BRMS1L: variants seen among roughly 807,000 people sequenced by gnomAD.
The protein encoded by BRMS1L is breast cancer metastasis-suppressor 1-like protein.
In BRMS1L, 23 loss-of-function variants were observed where a neutral mutation model predicts 50.3. The observed-to-expected ratio is 0.46, with a 90% CI of 0.33 to 0.65. The LOEUF is 0.65. BRMS1L is among the 30% of genes least tolerant of loss of function. BRMS1L has a pLI of 0.02. For missense variants in BRMS1L, 286 were observed against 386.1 expected, an observed-to-expected ratio of 0.74 and a Z score of 2.17; for synonymous variants, 114 against 126.9, an observed-to-expected ratio of 0.90 and a Z score of 0.69.
Position 35,841,336 on chromosome 14 carries a change from G to T in BRMS1L, c.441+6413G>T, listed in dbSNP as rs1404994308. 6.7e-5 allele frequency among the ~76,000 whole-genome samples: 10 copies of T among 150,270 alleles called. No individual in the cohort carries two copies. In the South Asian group the frequency reaches 1.5e-3, roughly 22 times the overall value. ...ATTTTATTTTATTTTTTTTTGAGAT[G>T]GAGTCTTGCTCTGTCCCCCAGGCGC... is the stretch of plus-strand genomic sequence containing the variant. On this transcript the variant is annotated intron_variant, in intron 4 of 9. Coordinates refer to ENST00000216807, the MANE Select transcript of BRMS1L (RefSeq NM_032352.4).
In BRMS1L at chr14:35,831,387, T is replaced by C. The variant is rs778539218; in HGVS notation, c.143-23T>C. The C allele has an allele frequency of 3.2e-6, 5 of 1,551,454 alleles. No homozygotes were observed. The South Asian group carries it at 3.4e-5, about 10-fold the overall frequency. On this transcript the variant is annotated intron_variant, in intron 1 of 9. Coordinates refer to ENST00000216807, the MANE Select transcript of BRMS1L (RefSeq NM_032352.4). ...AAATTTGAAAATTAAGTTTATCTTT[T>C]ATATTTGCCTTTTTATTAACAGAAA...
rs905642262 is a variant in BRMS1L at position 35,841,334 on chromosome 14, A to G, written c.441+6411A>G. On this transcript the variant is annotated intron_variant, in intron 4 of 9. Transcript: ENST00000216807. ...TTATTTTATTTTATTTTTTTTTGAG[A>G]TGGAGTCTTGCTCTGTCCCCCAGGC... is the stretch of plus-strand genomic sequence containing the variant. Among the ~76,000 whole-genome samples, 22 of 150,124 alleles carry G rather than the reference A, an allele frequency of 1.5e-4. No homozygotes were observed. In the East Asian group the frequency reaches 3.9e-3, roughly 27 times the overall value.
rs2077980687 is a variant in BRMS1L, at chr14:35,835,561, G to A, written c.441+638G>A. 2.0e-5 allele frequency among the ~76,000 whole-genome samples: 3 copies of A among 152,122 alleles called. No homozygotes were observed. The South Asian group carries it at 6.2e-4, about 32-fold the overall frequency. On this transcript the variant is annotated intron_variant, in intron 4 of 9. Coordinates refer to ENST00000216807, the MANE Select transcript of BRMS1L (RefSeq NM_032352.4). ...ATTTATAGCATTTAAAAAACATAGT[G>A]CCCAGGCATGGTGGCTCACACCTGT... is the stretch of plus-strand genomic sequence containing the variant.
chr14:35,833,145 A>G, intron 3 of BRMS1L, 40 bp downstream of exon 3: 1 of 1,571,798 alleles, frequency 6.4e-7, no homozygotes, highest in South Asian at 1.2e-5. Flanking sequence ...TAGAATGTAA[A>G]CTCTTCAGTA....
chr14:35,857,570 T>C (rs1473384921), intron 4 of BRMS1L, among the ~76,000 whole-genome samples: 4 of 151,966 alleles, frequency 2.6e-5, no homozygotes, highest in Non-Finnish European at 4.4e-5. Context: ...ATCCTCCTGT[T>C]TTGGCCTCCC....
chr14:35,844,351 G>T (rs1486375138), intron 4 of BRMS1L, among the ~76,000 whole-genome samples: 1 of 152,166 alleles, frequency 6.6e-6, no homozygotes, highest in African/African-American at 2.4e-5. Flanking sequence ...TCTGTGGGTT[G>T]TGAAGACCAT....
At chr14:35,837,812 A>G (rs2078013919) in intron 4 of BRMS1L, among the ~76,000 whole-genome samples, 2 of 152,156 alleles carry the variant, frequency 1.3e-5, no homozygotes, top group South Asian at 4.1e-4. Flanking sequence ...GCCTTGACCT[A>G]AAATGCTGGG....
chr14:35,832,448 A>G (rs1291611570), intron 2 of BRMS1L, among the ~76,000 whole-genome samples: 1 of 151,314 alleles, frequency 6.6e-6, no homozygotes, highest in African/African-American at 2.4e-5. Flanking sequence ...CGGAGCTTGA[A>G]GTGAGCGAGA....
intron 3 of BRMS1L, among the ~76,000 whole-genome samples, chr14:35,834,550 T>G (rs934233735): frequency 1.3e-5 from 2 of 152,194 alleles, no homozygotes; most frequent in Non-Finnish European, 2.9e-5. Flanking sequence ...GAAAAGAGTT[T>G]TATTTTCATT....
At chr14:35,857,138 G>A (rs2078290682) in intron 4 of BRMS1L, among the ~76,000 whole-genome samples, 1 of 151,700 alleles carries the variant, frequency 6.6e-6, no homozygotes, top group Admixed American at 6.6e-5. Flanking sequence ...CTACTTGGGA[G>A]GCTGAGGCAG....
chr14:35,844,238 A>T (rs995100943), intron 4 of BRMS1L, among the ~76,000 whole-genome samples: 1 of 152,158 alleles, frequency 6.6e-6, no homozygotes, highest in Non-Finnish European at 1.5e-5. Flanking sequence ...GGGGTATGAA[A>T]AAAAGCTCCT....
Position 35,826,365 on chromosome 14 carries a change from T to A in BRMS1L, c.-152T>A. 1 of 1,098,052 alleles carries A rather than the reference T, an allele frequency of 9.1e-7. No homozygotes were observed. Among genetic ancestry groups the A allele is most frequent in the Non-Finnish European group, 1.3e-6 (1 of 773,522 alleles). 68.0% of individuals were successfully genotyped at this position (1,098,052 alleles called of 1,614,324 possible). ...AGCTCCCATCGCAGAGCCTGCGGGTTAGGTTGTGAGGCCCGGGCCGGGGGC... is the reference window on the plus strand; with the variant it reads ...AGCTCCCATCGCAGAGCCTGCGGGTAAGGTTGTGAGGCCCGGGCCGGGGGC... On this transcript the variant is annotated 5_prime_UTR_variant, in exon 1 of 10. Transcript: ENST00000216807.
rs1029145772 is a variant in BRMS1L at position 35,852,786 on chromosome 14, C to G, written c.442-9804C>G. On this transcript the variant is annotated intron_variant, in intron 4 of 9. Coordinates refer to ENST00000216807, the MANE Select transcript of BRMS1L (RefSeq NM_032352.4). Reference sequence around the variant, plus strand: ...CTCTGCTAAAAATACAAAAAATCAGCCGGGCGCGGTGGCGGGCACCTGTAA... The same window carrying G: ...CTCTGCTAAAAATACAAAAAATCAGGCGGGCGCGGTGGCGGGCACCTGTAA... Among the ~76,000 whole-genome samples, 8 of 152,168 alleles carry G rather than the reference C, an allele frequency of 5.3e-5. No individual in the cohort carries two copies. In the South Asian group the frequency reaches 8.3e-4, roughly 16 times the overall value.
rs1215784112 is a variant in BRMS1L at position 35,833,124 on chromosome 14, T to C, written c.361+19T>C. On this transcript the variant is annotated intron_variant, in intron 3 of 9. Coordinates refer to ENST00000216807, the MANE Select transcript of BRMS1L (RefSeq NM_032352.4). ...GTAGCAGGTAGGAAAGTGAAGAATC[T>C]TTTCCATATATAGAATGTAAACTCT... 1.2e-6 allele frequency: 2 copies of C among 1,601,854 alleles called. No homozygotes were observed. The highest frequency in any genetic ancestry group is 2.7e-5 in the African/African-American group (2 of 74,762).
intron 4 of BRMS1L, among the ~76,000 whole-genome samples, chr14:35,860,772 G>T (rs982322428): frequency 4.6e-5 from 7 of 152,108 alleles, no homozygotes; most frequent in Admixed American, 6.5e-5. Flanking sequence ...GAAGCTTGGG[G>T]CCACTTTCCT....
chr14:35,841,405 T>C (rs2078061218), intron 4 of BRMS1L, among the ~76,000 whole-genome samples: 2 of 152,114 alleles, frequency 1.3e-5, no homozygotes, highest in Admixed American at 6.5e-5. Context: ...TTCACGCCAT[T>C]CTCCTGCCTC....
In BRMS1L at chr14:35,826,535, G is replaced by T; in HGVS notation, c.19G>T (p.Gly7Trp). The change falls in exon 1 of 10, where the codon GGG becomes TGG. Residue 7 changes from glycine (G) to tryptophan (W), a missense_variant. Physicochemically the swap from Gly to Trp is radical, Grantham distance 184. Around this residue, in one of 5 missense-constraint regions of BRMS1L, gnomAD observed 66 missense variants for 67.8 expected, o/e 0.97. Transcript: ENST00000216807. MPVHSRGDKKETNHHDE... is the reference protein window; with the variant it reads MPVHSRWDKKETNHHDE... The stretch of plus-strand genomic sequence containing the variant: ...CTGGAAAATGCCAGTCCATTCCCGA[G>T]GGGATAAGAAGGAGACCAACCATCA... 1.9e-6 allele frequency: 3 copies of T among 1,595,812 alleles called. No individual in the cohort carries two copies. Among genetic ancestry groups the T allele is most frequent in the Non-Finnish European group, 2.6e-6 (3 of 1,172,150 alleles).
At chr14:35,870,017 T>TA (rs1566433100) in intron 9 of BRMS1L, among the ~76,000 whole-genome samples, 2 of 151,852 alleles carry the variant, frequency 1.3e-5, no homozygotes, top group Admixed American at 6.6e-5. Context: ...TGACATGAGT[T>TA]ACAAGTATAA....
In BRMS1L at chr14:35,871,381, T is replaced by A. The variant is rs1218789085; in HGVS notation, c.*904T>A. Reference sequence around the variant, plus strand: ...GGCAAAGTAGACAGGGATTATTTCCTTGAATCTATTTCCAAATTAATATTT... The same window carrying A: ...GGCAAAGTAGACAGGGATTATTTCCATGAATCTATTTCCAAATTAATATTT... On this transcript the variant is annotated 3_prime_UTR_variant, in exon 10 of 10. Coordinates refer to ENST00000216807, the MANE Select transcript of BRMS1L (RefSeq NM_032352.4). 2 of 152,682 alleles carry A rather than the reference T, an allele frequency of 1.3e-5. No individual in the cohort carries two copies. The highest frequency in any genetic ancestry group is 2.9e-5 in the Non-Finnish European group (2 of 68,046). The allele number at this position is 152,682 out of a possible 1,614,324, so 9.5% of individuals were successfully genotyped here.
Sources: gnomAD v4.1 joint callset for allele counts (sites outside exome capture counted in the v4.1 genomes callset) on GRCh38, gnomAD v4.1.1 for gene constraint, gnomAD v4.1.1 regional missense constraint, MANE v1.5 for transcripts, NCBI Gene and HGNC (gene_info 2026-07-23, HGNC 2026-07-21) for gene names.